Variants in RASSF3 observed in about 807,000 individuals in gnomAD.
The protein encoded by RASSF3 is ras association domain-containing protein 3.
RASSF3 carries 19 observed loss-of-function variants against 19.9 expected under a neutral mutation model. That is an observed-to-expected ratio of 0.96 (90% CI 0.67 to 1.40). The LOEUF (loss-of-function observed/expected upper bound fraction) is 1.40. Ranked by LOEUF, RASSF3 falls within the 40% of genes most tolerant of loss-of-function variation. The pLI is 0.00. For missense variants in RASSF3, 306 were observed against 289.8 expected, an observed-to-expected ratio of 1.06 and a Z score of -0.41; for synonymous variants, 110 against 104.2, an observed-to-expected ratio of 1.06 and a Z score of -0.34.
chr12:64,529,396 C>A (rs1184661560), upstream of RASSF3, among the ~76,000 whole-genome samples: 1 of 152,170 alleles, frequency 6.6e-6, no homozygotes, highest in Non-Finnish European at 1.5e-5. Context: ...TGGACACATA[C>A]CCAAGCCTGA....
rs540172255 is a variant in RASSF3, at chr12:64,564,298, T to C, written c.294+22593T>C. Among the ~76,000 whole-genome samples the C allele has an allele frequency of 1.5e-3, 232 of 152,326 alleles. 2 individuals carry two copies. The highest frequency in any genetic ancestry group is 2.7e-3 in the Non-Finnish European group (184 of 68,034). On this transcript the variant is annotated intron_variant, in intron 2 of 5. Transcript: ENST00000637125. Reference sequence around the variant, plus strand: ...GGGGCCCTTGCCCTCTGAAAACTACTGTACTAACTTTATTGGATTGGGGAC... The same window carrying C: ...GGGGCCCTTGCCCTCTGAAAACTACCGTACTAACTTTATTGGATTGGGGAC...
At chr12:64,646,235 G>A (rs947115740) in intron 1 of RASSF3, among the ~76,000 whole-genome samples, 1 of 152,172 alleles carries the variant, frequency 6.6e-6, no homozygotes, top group Non-Finnish European at 1.5e-5. Flanking sequence ...ATACCTAAGA[G>A]TGGAATTACT....
intron 1 of RASSF3, among the ~76,000 whole-genome samples, chr12:64,680,854 C>T (rs965587339): frequency 3.3e-5 from 5 of 152,086 alleles, no homozygotes; most frequent in African/African-American, 4.8e-5. Context: ...TCAGGTGATC[C>T]GCCCGCCTCG....
chr12:64,691,664 T>TGGGCA (rs1868281769), intron 4 of RASSF3, 85 bp downstream of exon 4: 1 of 358,666 alleles, frequency 2.8e-6, no homozygotes, highest in Non-Finnish European at 4.9e-6. Flanking sequence ...TGGCTATTGA[T>TGGGCA]GGGGGATGGG....
intron 1 of RASSF3, among the ~76,000 whole-genome samples, chr12:64,672,635 A>G (rs1298451219): frequency 1.3e-5 from 2 of 152,038 alleles, no homozygotes; most frequent in African/African-American, 4.8e-5. Context: ...CAGCTTCCCA[A>G]GTAGCTGGAA....
intron 1 of RASSF3, among the ~76,000 whole-genome samples, chr12:64,540,367 C>T: frequency 6.6e-6 from 1 of 152,136 alleles, no homozygotes; most frequent in East Asian, 1.9e-4. Context: ...AAAATACTTA[C>T]TTTGGAAACA....
intron 2 of RASSF3, among the ~76,000 whole-genome samples, chr12:64,584,879 CTTTTTTT>C (rs34522445): frequency 5.0e-5 from 4 of 80,800 alleles, no homozygotes; most frequent in African/African-American, 9.8e-5. Context: ...CAGAAGGATT[CTTTTTTT>C]TTTTTTTTTT....
At chr12:64,670,273 A>G (rs1418752032) in intron 1 of RASSF3, among the ~76,000 whole-genome samples, 1 of 151,918 alleles carries the variant, frequency 6.6e-6, no homozygotes, top group Non-Finnish European at 1.5e-5. Context: ...GTGTTCAGTT[A>G]TGCTGGCCAA....
At chr12:64,545,686 G>A (rs1329325188), downstream of RASSF3, among the ~76,000 whole-genome samples, 1 of 152,144 alleles carries the variant, frequency 6.6e-6, no homozygotes, top group Non-Finnish European at 1.5e-5. Flanking sequence ...CCAGCACTTC[G>A]GGAGGCCAAG....
At chr12:64,531,890 G>C (rs890749744), upstream of RASSF3, among the ~76,000 whole-genome samples, 4 of 152,230 alleles carry the variant, frequency 2.6e-5, no homozygotes, top group African/African-American at 7.2e-5. Context: ...TTTTGGGGCT[G>C]CTGAAGGGTT....
downstream of RASSF3, among the ~76,000 whole-genome samples, chr12:64,546,165 A>G (rs1363328297): frequency 6.6e-6 from 1 of 151,832 alleles, no homozygotes; most frequent in Non-Finnish European, 1.5e-5. Context: ...CTGTATATAC[A>G]CGCAGGTGAT....
intron 1 of RASSF3, among the ~76,000 whole-genome samples, chr12:64,667,061 G>T (rs1872555165): frequency 6.6e-6 from 1 of 152,048 alleles, no homozygotes; most frequent in African/African-American, 2.4e-5. Flanking sequence ...GCCAGATACG[G>T]AGGCTCAGCT....
At chr12:64,575,440 C>T (rs867033067) in intron 2 of RASSF3, among the ~76,000 whole-genome samples, 2 of 152,090 alleles carry the variant, frequency 1.3e-5, no homozygotes, top group East Asian at 1.9e-4. Flanking sequence ...GTAGTCCCAG[C>T]TACTCGGGAG....
chr12:64,583,065 T>TC (rs1430003798), intron 2 of RASSF3, among the ~76,000 whole-genome samples: 1 of 151,980 alleles, frequency 6.6e-6, no homozygotes, highest in Non-Finnish European at 1.5e-5. Context: ...AGCAGTTCTC[T>TC]CCCCTGGAGA....
chr12:64,603,914 C>T (rs1870138346), intron 2 of RASSF3, among the ~76,000 whole-genome samples: 1 of 152,020 alleles, frequency 6.6e-6, no homozygotes, highest in African/African-American at 2.4e-5. Flanking sequence ...GTGGCACGAT[C>T]TTGGCTCACT....
intron 1 of RASSF3, chr12:64,541,572 C>T (rs2136115017): frequency 2.5e-6 from 1 of 398,550 alleles, no homozygotes; most frequent in South Asian, 1.3e-4. Context: ...AACGTGCTTT[C>T]TCTTTCAGAG....
intron 1 of RASSF3, among the ~76,000 whole-genome samples, chr12:64,519,846 T>TTA (rs1056827806): frequency 3.5e-4 from 54 of 152,164 alleles, no homozygotes; most frequent in Admixed American, 1.3e-3. Flanking sequence ...GTGTATGTAT[T>TTA]TATATATATA....
At chr12:64,613,273 G>A (rs957452040) in intron 1 of RASSF3, among the ~76,000 whole-genome samples, 3 of 151,858 alleles carry the variant, frequency 2.0e-5, no homozygotes, top group South Asian at 2.1e-4. Flanking sequence ...ATACATCATA[G>A]TAGTGAAATT....
chr12:64,515,337 G>A (rs1449804992), intron 1 of RASSF3, among the ~76,000 whole-genome samples: 1 of 152,190 alleles, frequency 6.6e-6, no homozygotes, highest in Non-Finnish European at 1.5e-5. Flanking sequence ...TTACAGGCAT[G>A]AGCCACCACG....
Sources: gnomAD v4.1 joint callset for allele counts (sites outside exome capture counted in the v4.1 genomes callset) on GRCh38, gnomAD v4.1.1 for gene constraint, MANE v1.5 for transcripts, NCBI Gene and HGNC (gene_info 2026-07-23, HGNC 2026-07-21) for gene names.